Variants in DUSP18 observed in about 807,000 individuals in gnomAD.
DUSP18 encodes dual specificity protein phosphatase 18.
In DUSP18, 4 loss-of-function variants were observed where a neutral mutation model predicts 6.3. The observed-to-expected ratio is 0.63, with a 90% confidence interval of 0.31 to 1.45. The LOEUF is 1.45. Among genes scored for constraint, DUSP18 ranks in the 40% most tolerant of loss-of-function variants. The pLI, the probability that DUSP18 is intolerant of heterozygous loss-of-function variation, is 0.07. For synonymous variants in DUSP18, 96 were observed against 95.1 expected (o/e 1.01, Z -0.05); for missense variants, 235 against 247.7 (o/e 0.95, Z 0.34).
intron 2 of DUSP18, among the ~76,000 whole-genome samples, chr22:30,655,375 T>G (rs2088315261): frequency 7.6e-6 from 1 of 131,586 alleles, no homozygotes; most frequent in Admixed American, 8.9e-5. Flanking sequence ...GAGGCTGCAG[T>G]GGGCTGTGAT....
downstream of DUSP18, among the ~76,000 whole-genome samples, chr22:30,659,052 AG>A (rs2088403895): frequency 7.0e-6 from 1 of 142,808 alleles, no homozygotes; most frequent in Non-Finnish European, 1.5e-5. Context: ...TGAACCTGGG[AG>A]GCGGAGTTTG....
chr22:30,666,395 C>T (rs1418991873), intron 1 of DUSP18, among the ~76,000 whole-genome samples: 3 of 152,052 alleles, frequency 2.0e-5, no homozygotes, highest in African/African-American at 7.2e-5. Context: ...CCGAGGCGGG[C>T]AGATCACCTG....
At chr22:30,665,104 T>A (rs1450422384) in intron 1 of DUSP18, 2 of 154,640 alleles carry the variant, frequency 1.3e-5, no homozygotes, top group African/African-American at 2.4e-5. Flanking sequence ...ACCCTCACTT[T>A]CTCAGTCTTA....
chr22:30,658,797 C>T (rs1473422186), downstream of DUSP18, among the ~76,000 whole-genome samples: 1 of 152,066 alleles, frequency 6.6e-6, no homozygotes, highest in Non-Finnish European at 1.5e-5. Flanking sequence ...TCAGACTGCT[C>T]ACTGGGGGGC....
At chr22:30,654,938 T>C (rs1329439390) in intron 2 of DUSP18, 1 of 165,938 alleles carries the variant, frequency 6.0e-6, no homozygotes, top group Non-Finnish European at 1.3e-5. Flanking sequence ...AAACCACAGA[T>C]CTAGTTCAAT....
At chr22:30,657,912 T>C (rs1448886670), downstream of DUSP18, among the ~76,000 whole-genome samples, 1 of 86,366 alleles carries the variant, frequency 1.2e-5, no homozygotes, top group East Asian at 5.3e-4. Context: ...TCAAAAATAA[T>C]AATAATAATA....
downstream of DUSP18, among the ~76,000 whole-genome samples, chr22:30,657,009 T>C (rs2088350726): frequency 2.6e-5 from 4 of 152,234 alleles, 1 homozygote; most frequent in South Asian, 8.3e-4. Flanking sequence ...AAATTATGTT[T>C]ACTCAACTAT....
intron 2 of DUSP18, among the ~76,000 whole-genome samples, chr22:30,652,713 T>C (rs899759476): frequency 3.3e-5 from 5 of 152,254 alleles, no homozygotes; most frequent in South Asian, 4.1e-4. Flanking sequence ...GGCTTCTCCA[T>C]AGGGCCCCTT....
At chr22:30,654,598 G>T in intron 2 of DUSP18, 1 of 465,596 alleles carries the variant, frequency 2.1e-6, no homozygotes, top group East Asian at 6.4e-5. Flanking sequence ...GGAAGTGGTG[G>T]GGGCCCAGAA....
At chr22:30,656,041 T>A (rs1055900475) in intron 2 of DUSP18, among the ~76,000 whole-genome samples, 2 of 151,922 alleles carry the variant, frequency 1.3e-5, no homozygotes, top group African/African-American at 4.8e-5. Context: ...GGTGCCATCA[T>A]AGTTGACTGC....
In DUSP18 at chr22:30,655,181, T is replaced by C. The variant is rs117841102; in HGVS notation, c.*34-2884A>G. 1.1e-3 allele frequency among the ~76,000 whole-genome samples: 172 copies of C among 151,630 alleles called. No homozygotes were observed. In the East Asian group the frequency reaches 0.026, roughly 23 times the overall value. ...TTGCCACAAGAAGCCAGCAGCCAGG[T>C]ATGGTGGCTCACACCTGTAATCCTA... On this transcript the variant is annotated intron_variant, in intron 2 of 2. Coordinates refer to the DUSP18 transcript ENST00000404885.
chr22:30,654,032 T>C (rs1602088465), intron 2 of DUSP18: 1 of 156,280 alleles, frequency 6.4e-6, no homozygotes, highest in South Asian at 1.8e-4. Flanking sequence ...CAGGCTGGAG[T>C]GCAGTGGCGC....
chr22:30,658,168 T>C (rs1430072534), downstream of DUSP18, among the ~76,000 whole-genome samples: 2 of 151,572 alleles, frequency 1.3e-5, no homozygotes, highest in Non-Finnish European at 2.9e-5. Flanking sequence ...CTAAGTAAGA[T>C]AGAGTAAGCA....
chr22:30,655,518 T>C (rs978452609), intron 2 of DUSP18, among the ~76,000 whole-genome samples: 6 of 151,930 alleles, frequency 3.9e-5, no homozygotes, highest in South Asian at 4.1e-4. Flanking sequence ...TTTTTTTTTT[T>C]CTTCCAGGAA....
downstream of DUSP18, among the ~76,000 whole-genome samples, chr22:30,659,123 CAAAAAAAAAA>C (rs35939188): frequency 1.9e-5 from 2 of 104,748 alleles, no homozygotes; most frequent in Admixed American, 1.0e-4. Context: ...GACTCCATCT[CAAAAAAAAAA>C]AAAAAAAAAA....
chr22:30,659,017 G>A (rs1293875856), downstream of DUSP18, among the ~76,000 whole-genome samples: 3 of 151,464 alleles, frequency 2.0e-5, no homozygotes, highest in East Asian at 1.9e-4. Context: ...CCAGCTATTC[G>A]GGAGGCTGAG....
chr22:30,664,181 C>T, intron 1 of DUSP18, 101 bp from the exon 2 acceptor site: 2 of 622,178 alleles, frequency 3.2e-6, no homozygotes, highest in South Asian at 2.0e-5. Context: ...TTCCCCAAGG[C>T]AGTCCTCTGA....
Position 30,663,525 on chromosome 22 carries a change from C to A in DUSP18, c.479G>T (p.Gly160Val). The A allele has an allele frequency of 6.2e-7, 1 of 1,614,176 alleles. No individual in the cohort carries two copies. The highest frequency in any genetic ancestry group is 8.5e-7 in the Non-Finnish European group (1 of 1,180,028). The change falls in exon 2 of 2, where the codon GGC (glycine) becomes GTC (valine). Residue 160 changes from glycine to valine, a missense_variant. Coordinates refer to ENST00000334679, the MANE Select transcript of DUSP18 (RefSeq NM_152511.5). The part of the protein sequence containing the change: ...QLIHYEFQLF[G>V]KNTVHMVSSP... ...ACTGACCATGTGCACAGTGTTCTTGCCAAACAATTGGAACTCATAGTGGAT... is the reference window on the plus strand; with the variant it reads ...ACTGACCATGTGCACAGTGTTCTTGACAAACAATTGGAACTCATAGTGGAT...
chr22:30,656,003 C>CA (rs1240581315), intron 2 of DUSP18, among the ~76,000 whole-genome samples: 1 of 151,738 alleles, frequency 6.6e-6, no homozygotes, highest in Non-Finnish European at 1.5e-5. Context: ...AAAAGGGTCT[C>CA]ACTCTGTTGC....
Sources: allele counts gnomAD v4.1 joint callset (sites outside exome capture counted in the v4.1 genomes callset), GRCh38; gene constraint gnomAD v4.1.1; transcripts MANE v1.5; gene names NCBI Gene and HGNC (gene_info 2026-07-23, HGNC 2026-07-21).